KLHL32: variants seen among roughly 807,000 people sequenced by gnomAD.
KLHL32 encodes kelch-like protein 32.
Under a neutral mutation model 64.8 loss-of-function variants are expected in KLHL32, and 35 were observed. That is an observed-to-expected ratio of 0.54 (90% CI 0.41 to 0.72). The LOEUF (loss-of-function observed/expected upper bound fraction) is 0.72, where lower values mean the gene tolerates loss of function less well. Among genes scored for constraint, KLHL32 ranks in the 30% least tolerant of loss-of-function variants. The probability of loss-of-function intolerance (pLI) is 0.00; values close to 1 mark genes in which losing one functional copy is unlikely to be tolerated. For synonymous variants in KLHL32, 259 were observed against 281.0 expected (o/e 0.92, Z 0.78); for missense variants, 589 against 768.5 (o/e 0.77, Z 2.76).
chr6:97,057,234 A>C lies in KLHL32; in HGVS notation c.313-7394A>C, dbSNP rs1343104379. 6.0e-5 allele frequency among the ~76,000 whole-genome samples: 4 copies of C among 67,024 alleles called. 1 individual carries two copies. The highest frequency in any genetic ancestry group is 3.2e-4 in the African/African-American group (3 of 9,310). 44.0% of individuals were successfully genotyped at this position (67,024 alleles called of 152,430 possible). A position where few individuals can be genotyped will look rare whatever the true frequency, so the allele number is the denominator to read the frequency against. ...AGTTTCGCTCTGTCGCCCAGGCTGGAGTGCAGTGGCGCGATCTCGACTCAC... is the reference window on the plus strand; with the variant it reads ...AGTTTCGCTCTGTCGCCCAGGCTGGCGTGCAGTGGCGCGATCTCGACTCAC... On this transcript the variant is annotated intron_variant, in intron 4 of 10. Coordinates refer to ENST00000369261, the MANE Select transcript of KLHL32 (RefSeq NM_052904.4).
Position 96,976,185 on chromosome 6 carries a change from A to G in KLHL32, c.204+8A>G. The G allele has an allele frequency of 6.5e-7, 1 of 1,534,654 alleles. No individual in the cohort carries two copies. Among genetic ancestry groups the G allele is most frequent in the Non-Finnish European group, 8.8e-7 (1 of 1,133,528 alleles). On this transcript the variant is annotated splice_region_variant and intron_variant, in intron 3 of 10. Transcript: ENST00000369261. The stretch of plus-strand genomic sequence containing the variant: ...TGCAGTGACTATTTCCGGGTAAGTC[A>G]GCATTGTTTGTTTCTCGTAAAATAT...
At chr6:97,032,543 C>A (rs904821587) in intron 3 of KLHL32, among the ~76,000 whole-genome samples, 4 of 152,006 alleles carry the variant, frequency 2.6e-5, no homozygotes, top group South Asian at 2.1e-4. Context: ...GTTTTTTTAA[C>A]CTTTGTTCTC....
At chr6:97,093,368 A>G (rs187283692) in intron 6 of KLHL32, among the ~76,000 whole-genome samples, 4 of 152,348 alleles carry the variant, frequency 2.6e-5, no homozygotes, top group African/African-American at 9.6e-5. Flanking sequence ...TGATAAGGCA[A>G]GTATGATCCA....
intron 6 of KLHL32, among the ~76,000 whole-genome samples, chr6:97,103,938 T>C (rs1005817222): frequency 2.0e-5 from 3 of 152,188 alleles, no homozygotes; most frequent in African/African-American, 7.2e-5. Flanking sequence ...ACGTATATCC[T>C]AGAGAAGGAG....
intron 4 of KLHL32, among the ~76,000 whole-genome samples, chr6:97,050,732 G>A (rs1786755812): frequency 6.6e-6 from 1 of 152,198 alleles, no homozygotes; most frequent in Non-Finnish European, 1.5e-5. Context: ...GCTGGACGCA[G>A]TGGCTCATGC....
At chr6:97,033,002 C>T (rs1783785221) in intron 3 of KLHL32, among the ~76,000 whole-genome samples, 1 of 151,224 alleles carries the variant, frequency 6.6e-6, no homozygotes, top group Non-Finnish European at 1.5e-5. Context: ...CTTCTCCTAA[C>T]ATATCAATCC....
chr6:97,027,279 C>G (rs1478696424), intron 3 of KLHL32, among the ~76,000 whole-genome samples: 2 of 152,128 alleles, frequency 1.3e-5, no homozygotes, highest in Non-Finnish European at 2.9e-5. Context: ...TATTTATACC[C>G]ATGACAGACA....
At chr6:96,940,028 A>G (rs1253329821) in intron 1 of KLHL32, among the ~76,000 whole-genome samples, 4 of 152,166 alleles carry the variant, frequency 2.6e-5, no homozygotes, top group South Asian at 2.1e-4. Flanking sequence ...TGACTCCTAC[A>G]TGGGCGTAGG....
chr6:97,018,178 C>T (rs926467722), intron 3 of KLHL32, among the ~76,000 whole-genome samples: 14 of 151,644 alleles, frequency 9.2e-5, no homozygotes, highest in South Asian at 4.2e-4. Context: ...CTACATACTT[C>T]TAAGGAGAAA....
rs191135976 is a variant in KLHL32, at chr6:97,059,850, T to C, written c.313-4778T>C. ...ATGCTGTTGTATCCAGTTCATTTGA[T>C]GATTATAAATTCAAGATTCTGATAA... On this transcript the variant is annotated intron_variant, in intron 4 of 10. Transcript: ENST00000369261. Among the ~76,000 whole-genome samples the C allele has an allele frequency of 1.6e-3, 240 of 152,246 alleles. 1 individual carries two copies. The highest frequency in any genetic ancestry group is 5.6e-3 in the African/African-American group (234 of 41,546).
chr6:97,096,291 G>A (rs190202729), intron 6 of KLHL32, among the ~76,000 whole-genome samples: 261 of 152,240 alleles, frequency 1.7e-3, no homozygotes, highest in Non-Finnish European at 2.2e-3. Flanking sequence ...AGGTAGACAC[G>A]CATGCACACA....
rs138548618 is a variant in KLHL32, at chr6:97,064,669, G to C, written c.354G>C (p.Ala118=). The change falls in exon 5 of 11, where the codon GCG becomes GCC. Residue 118 remains alanine, a synonymous_variant. Transcript: ENST00000369261. The part of the protein sequence containing the change: ...EPGVIQDVLA[A]GSHLQLLELL... ...GTGTGATCCAGGATGTGCTAGCAGCGGGCAGTCACCTACAGCTGTTGGAGC... is the reference window on the plus strand; with the variant it reads ...GTGTGATCCAGGATGTGCTAGCAGCCGGCAGTCACCTACAGCTGTTGGAGC... 8.1e-6 allele frequency: 13 copies of C among 1,613,910 alleles called. No individual in the cohort carries two copies. Among genetic ancestry groups the C allele is most frequent in the Admixed American group, 1.7e-5 (1 of 59,990 alleles).
chr6:97,094,935 G>A (rs956039591), intron 6 of KLHL32, among the ~76,000 whole-genome samples: 1 of 152,160 alleles, frequency 6.6e-6, no homozygotes, highest in Admixed American at 6.5e-5. Flanking sequence ...GTGATGGATG[G>A]TGCGTTAAAG....
chr6:96,989,577 T>C (rs1355810954), intron 3 of KLHL32, among the ~76,000 whole-genome samples: 1 of 152,188 alleles, frequency 6.6e-6, no homozygotes, highest in African/African-American at 2.4e-5. Flanking sequence ...ACTGTGCGTC[T>C]TGGGGATGGT....
chr6:97,048,327 GC>G (rs1786256692), intron 4 of KLHL32, among the ~76,000 whole-genome samples: 1 of 152,124 alleles, frequency 6.6e-6, no homozygotes, highest in Admixed American at 6.5e-5. Flanking sequence ...AGTAACTCCA[GC>G]CCTTGGCTTC....
At chr6:97,122,594 AG>A (rs1764500427) in intron 7 of KLHL32, among the ~76,000 whole-genome samples, 1 of 152,174 alleles carries the variant, frequency 6.6e-6, no homozygotes, top group Admixed American at 6.5e-5. Context: ...GTTGTTCTTT[AG>A]GTAATTAAAT....
Position 97,037,394 on chromosome 6 carries a change from G to T in KLHL32, c.205-4098G>T, listed in dbSNP as rs201072661. On this transcript the variant is annotated intron_variant, in intron 3 of 10. Transcript: ENST00000369261. The stretch of plus-strand genomic sequence containing the variant: ...AATTTAAAATGTATAGACTTGTGAG[G>T]ATAAAAAAATAACATTTGTTAAAAT... 1.0e-4 allele frequency among the ~76,000 whole-genome samples: 14 copies of T among 137,212 alleles called. No individual in the cohort carries two copies. In the East Asian group the frequency reaches 2.9e-3, roughly 28 times the overall value. 90.0% of individuals were successfully genotyped at this position (137,212 alleles called of 152,430 possible).
intron 1 of KLHL32, among the ~76,000 whole-genome samples, chr6:96,941,929 T>G (rs1490194728): frequency 6.6e-6 from 1 of 152,198 alleles, no homozygotes; most frequent in Non-Finnish European, 1.5e-5. Flanking sequence ...AAATAAATGG[T>G]CCAGATCCTT....
At chr6:97,105,345 C>T (rs540215751) in intron 6 of KLHL32, 58 of 432,832 alleles carry the variant, frequency 1.3e-4, no homozygotes, top group South Asian at 1.0e-3. Context: ...TCTTGTTGCC[C>T]AAGAGCTCAT....
Sources: allele counts gnomAD v4.1 joint callset (sites outside exome capture counted in the v4.1 genomes callset), GRCh38; gene constraint gnomAD v4.1.1; transcripts MANE v1.5; gene names NCBI Gene and HGNC (gene_info 2026-07-23, HGNC 2026-07-21).